The following MLIP variants were observed in gnomAD, a reference collection of about 807,000 sequenced individuals.
MLIP encodes the protein muscular LMNA interacting protein, also known as muscular LMNA-interacting protein.
In MLIP, 79 loss-of-function variants were observed where a neutral mutation model predicts 84.8. The observed-to-expected ratio is 0.93, with a 90% CI of 0.78 to 1.12. MLIP has a LOEUF of 1.12. MLIP is among the 50% of genes most tolerant of loss of function. The pLI is 0.00. For missense variants in MLIP, 1,257 were observed against 1,160.6 expected (o/e 1.08, Z -1.21); for synonymous variants, 504 against 463.0 (o/e 1.09, Z -1.14).
chr6:54,120,227 ACTT>A (rs1336452219), intron 1 of MLIP, among the ~76,000 whole-genome samples: 1 of 142,036 alleles, frequency 7.0e-6, no homozygotes, highest in Non-Finnish European at 1.5e-5. Flanking sequence ...TAGGCTTGCG[ACTT>A]CTTTTTTTTA....
chr6:54,146,289 G>A (rs1335807779), intron 4 of MLIP, among the ~76,000 whole-genome samples: 2 of 152,144 alleles, frequency 1.3e-5, no homozygotes, highest in East Asian at 1.9e-4. Context: ...CATTAATTGA[G>A]TTTATCATCA....
chr6:54,197,700 T>A (rs1256836760), intron 10 of MLIP, among the ~76,000 whole-genome samples: 1 of 152,090 alleles, frequency 6.6e-6, no homozygotes, highest in East Asian at 1.9e-4. Flanking sequence ...TTTGCACCTA[T>A]CAATCATGAG....
intron 1 of MLIP, among the ~76,000 whole-genome samples, chr6:54,098,158 T>C (rs1303041186): frequency 3.4e-5 from 5 of 148,550 alleles, no homozygotes; most frequent in South Asian, 4.2e-4. Flanking sequence ...CTTTTTTTTT[T>C]TTTTTTTTTT....
chr6:54,189,186 A>T (rs1426717980), intron 9 of MLIP, among the ~76,000 whole-genome samples: 1 of 152,250 alleles, frequency 6.6e-6, no homozygotes, highest in Non-Finnish European at 1.5e-5. Flanking sequence ...CATTTGCCAT[A>T]CAACATTGCA....
intron 4 of MLIP, among the ~76,000 whole-genome samples, chr6:54,142,531 T>C (rs1001513897): frequency 2.4e-4 from 36 of 152,242 alleles, no homozygotes; most frequent in African/African-American, 8.4e-4. Context: ...AAGAACACAT[T>C]CTGGGCTAGC....
intron 1 of MLIP, among the ~76,000 whole-genome samples, chr6:54,035,571 T>G (rs1471201033): frequency 6.6e-6 from 1 of 152,134 alleles, no homozygotes; most frequent in African/African-American, 2.4e-5. Flanking sequence ...CTGTACCATT[T>G]TACATTCCTA....
intron 3 of MLIP, among the ~76,000 whole-genome samples, chr6:54,128,039 T>C (rs1282138267): frequency 6.6e-6 from 1 of 152,186 alleles, no homozygotes; most frequent in African/African-American, 2.4e-5. Flanking sequence ...GAGAGCCTGA[T>C]GAGGTAGAAT....
chr6:54,126,143 A>G (rs536569959), intron 3 of MLIP, among the ~76,000 whole-genome samples: 1 of 152,196 alleles, frequency 6.6e-6, no homozygotes, highest in Non-Finnish European at 1.5e-5. Flanking sequence ...CTTGCCTCAG[A>G]AAAGATAATG....
chr6:54,217,125 G>A, intron 11 of MLIP: 1 of 985,330 alleles, frequency 1.0e-6, no homozygotes, highest in Non-Finnish European at 1.2e-6. Context: ...GGAGTGAAAG[G>A]CTCCAGTAAT....
chr6:54,049,166 T>G (rs755816662), intron 1 of MLIP, among the ~76,000 whole-genome samples: 29 of 152,152 alleles, frequency 1.9e-4, no homozygotes, highest in Non-Finnish European at 4.3e-4. Context: ...CCTCTGAGGA[T>G]TTTCAGCAAA....
intron 1 of MLIP, among the ~76,000 whole-genome samples, chr6:54,088,860 ATATTCT>A (rs1170485456): frequency 1.3e-5 from 2 of 152,192 alleles, no homozygotes; most frequent in East Asian, 3.8e-4. Flanking sequence ...AAATTAATAG[ATATTCT>A]TATAGTAGAA....
chr6:54,140,774 C>T (rs1287221463), intron 4 of MLIP, among the ~76,000 whole-genome samples: 2 of 152,044 alleles, frequency 1.3e-5, no homozygotes, highest in Non-Finnish European at 2.9e-5. Context: ...AATCTTATCC[C>T]AAGCTCTTTT....
intron 10 of MLIP, among the ~76,000 whole-genome samples, chr6:54,197,830 C>A (rs1240976458): frequency 6.6e-6 from 1 of 151,992 alleles, no homozygotes; most frequent in Non-Finnish European, 1.5e-5. Context: ...TATAGACTCC[C>A]CTAACTTGAT....
intron 12 of MLIP, among the ~76,000 whole-genome samples, chr6:54,246,221 C>A (rs6937413): frequency 0.3 from 46,263 of 151,954 alleles, 9,487 homozygotes; most frequent in African/African-American, 0.59. Flanking sequence ...ACTTTCTTAG[C>A]TTTATGAAGG....
intron 10 of MLIP, among the ~76,000 whole-genome samples, chr6:54,192,216 GT>G (rs1777986853): frequency 2.3e-5 from 1 of 43,588 alleles, no homozygotes. Flanking sequence ...TCTTAACCAA[GT>G]TTTAAATTAA....
chr6:54,190,998 T>C (rs1316345355), intron 10 of MLIP, among the ~76,000 whole-genome samples: 1 of 151,944 alleles, frequency 6.6e-6, no homozygotes, highest in African/African-American at 2.4e-5. Context: ...GGTTTCACCA[T>C]TTAAGCCAGG....
intron 1 of MLIP, among the ~76,000 whole-genome samples, chr6:54,076,018 T>C (rs913007775): frequency 4.0e-5 from 6 of 151,876 alleles, no homozygotes; most frequent in South Asian, 4.1e-4. Flanking sequence ...AGGAGTTAAA[T>C]TGGATTAACA....
intron 12 of MLIP, among the ~76,000 whole-genome samples, chr6:54,243,336 G>A (rs1013484501): frequency 6.6e-6 from 1 of 152,090 alleles, no homozygotes; most frequent in Non-Finnish European, 1.5e-5. Context: ...TTGAGAAAAC[G>A]AAAGCAGGCC....
chr6:54,035,532 G>A (rs1236765197), intron 1 of MLIP, among the ~76,000 whole-genome samples: 2 of 152,018 alleles, frequency 1.3e-5, no homozygotes, highest in Non-Finnish European at 2.9e-5. Flanking sequence ...TAGTTTTAAA[G>A]GGAATTGTCA....
Sources: allele counts gnomAD v4.1 joint callset (sites outside exome capture counted in the v4.1 genomes callset), GRCh38; gene constraint gnomAD v4.1.1; transcripts MANE v1.5; gene names NCBI Gene and HGNC (gene_info 2026-07-23, HGNC 2026-07-21).